CCDC158: variants seen among roughly 807,000 people sequenced by gnomAD.
The protein encoded by CCDC158 is coiled-coil domain-containing protein 158.
A neutral mutation model predicts 138.6 loss-of-function variants in CCDC158; 116 were observed. That is an observed-to-expected ratio of 0.84 (90% CI 0.72 to 0.98). CCDC158 has a LOEUF of 0.98. CCDC158 is among the 50% of genes least tolerant of loss of function. CCDC158 has a pLI of 0.00. For synonymous variants in CCDC158, 436 were observed against 442.4 expected (o/e 0.99, Z 0.18); for missense variants, 1,265 against 1,306.1 (o/e 0.97, Z 0.48).
At chr4:76,420,198 A>AC (rs1239302257) in intron 1 of CCDC158, among the ~76,000 whole-genome samples, 1 of 151,860 alleles carries the variant, frequency 6.6e-6, no homozygotes, top group Non-Finnish European at 1.5e-5. Flanking sequence ...GCACAGAGAA[A>AC]CAGTCCTACC....
intron 7 of CCDC158, among the ~76,000 whole-genome samples, 198 bp downstream of exon 7, chr4:76,383,464 G>A (rs919102022): frequency 6.6e-6 from 1 of 152,050 alleles, no homozygotes; most frequent in African/African-American, 2.4e-5. Flanking sequence ...TACTCCTATT[G>A]TAATCATCTC....
chr4:76,406,352 AGAAC>A (rs1267508501), intron 2 of CCDC158, among the ~76,000 whole-genome samples: 2 of 152,250 alleles, frequency 1.3e-5, no homozygotes, highest in African/African-American at 2.4e-5. Context: ...AGATACGGTA[AGAAC>A]TGCAAACGCA....
At position 76,344,438 on chromosome 4, in the gene CCDC158, G is replaced by A. The variant is rs1722350446; in HGVS notation, c.2664+6558C>T. 2.5e-5 allele frequency: 16 copies of A among 630,024 alleles called. No homozygotes were observed. The South Asian group carries it at 2.9e-4, about 12-fold the overall frequency. 39.0% of individuals were successfully genotyped at this position (630,024 alleles called of 1,614,324 possible). A position where few individuals can be genotyped will look rare whatever the true frequency, so the allele number is the denominator to read the frequency against. On this transcript the variant is annotated intron_variant, in intron 18 of 24. Coordinates refer to ENST00000682701, the MANE Select transcript of CCDC158 (RefSeq NM_001394954.1). Reference sequence around the variant, plus strand: ...TCTTGTGCCACAGTGAGTTGTAAGTGAAGTTTGGACCAAAAATGAGTTTAT... The same window carrying A: ...TCTTGTGCCACAGTGAGTTGTAAGTAAAGTTTGGACCAAAAATGAGTTTAT...
intron 24 of CCDC158, among the ~76,000 whole-genome samples, chr4:76,318,584 A>T (rs1719634708): frequency 6.6e-6 from 1 of 152,160 alleles, no homozygotes; most frequent in Non-Finnish European, 1.5e-5. Flanking sequence ...ATCAGGCATT[A>T]AAAAAGGATT....
intron 12 of CCDC158, among the ~76,000 whole-genome samples, chr4:76,365,552 C>T (rs150296707): frequency 1.8e-4 from 28 of 152,284 alleles, no homozygotes; most frequent in Admixed American, 4.6e-4. Context: ...TCTCCCACAC[C>T]ATCTCTAGGC....
chr4:76,335,710 G>A (rs1353900194), intron 18 of CCDC158, among the ~76,000 whole-genome samples: 2 of 152,086 alleles, frequency 1.3e-5, no homozygotes, highest in Admixed American at 1.3e-4. Flanking sequence ...ACCCCCAGTA[G>A]CTGAGGACTA....
At chr4:76,380,428 C>T (rs988823132) in intron 8 of CCDC158, among the ~76,000 whole-genome samples, 1 of 152,136 alleles carries the variant, frequency 6.6e-6, no homozygotes, top group Admixed American at 6.5e-5. Context: ...TAGCATTTTG[C>T]CCCTGCCCTA....
At chr4:76,348,302 G>A (rs1197291281) in intron 18 of CCDC158, among the ~76,000 whole-genome samples, 2 of 151,480 alleles carry the variant, frequency 1.3e-5, no homozygotes, top group African/African-American at 4.8e-5. Context: ...AGGCGAGGTG[G>A]TGGGCACCTG....
chr4:76,331,386 C>T lies in CCDC158; in HGVS notation c.2900G>A (p.Arg967Lys). 6.2e-7 allele frequency: 1 copy of T among 1,613,960 alleles called. No homozygotes were observed. ...TGATTTGCTTCCTTCAGTGGAGTCCCTCAACGAGTTGTTGCTTCTGTTGGT... is the reference window on the plus strand; with the variant it reads ...TGATTTGCTTCCTTCAGTGGAGTCCTTCAACGAGTTGTTGCTTCTGTTGGT... ...DMCHRSNNSL[R>K]DSTEGSKSSE... is the part of the protein sequence containing the mutation. Residue 967 changes from arginine to lysine, a missense_variant, in exon 21 of 25, where the codon AGG becomes AAG. Physicochemically the swap from Arg to Lys is conservative, Grantham distance 26. Transcript: ENST00000682701.
chr4:76,354,169 C>A (rs1216687929), intron 15 of CCDC158, among the ~76,000 whole-genome samples: 1 of 132,662 alleles, frequency 7.5e-6, no homozygotes, highest in Non-Finnish European at 1.5e-5. Context: ...TGACAGCAGG[C>A]AGTAACCTCT....
rs185050993 is a variant in CCDC158 at position 76,340,915 on chromosome 4, T to C, written c.2665-6748A>G. On this transcript the variant is annotated intron_variant, in intron 18 of 24. Transcript: ENST00000682701. ...CCAAAAAGGTTGGGAACTGCTGCCT[T>C]AGGAGACACATTAAGGCTATTTCTA... is the stretch of plus-strand genomic sequence containing the variant. Among the ~76,000 whole-genome samples, 62 of 152,280 alleles carry C rather than the reference T, an allele frequency of 4.1e-4. No individual in the cohort carries two copies. In the East Asian group the frequency reaches 7.5e-3, roughly 18 times the overall value.
chr4:76,386,236 A>G (rs1398681078), intron 4 of CCDC158, among the ~76,000 whole-genome samples: 5 of 152,212 alleles, frequency 3.3e-5, no homozygotes, highest in Non-Finnish European at 5.9e-5. Flanking sequence ...TTTAAAAACT[A>G]TCTGCACACA....
intron 4 of CCDC158, among the ~76,000 whole-genome samples, chr4:76,393,871 T>C (rs1727532172): frequency 6.6e-6 from 1 of 152,224 alleles, no homozygotes; most frequent in South Asian, 2.1e-4. Flanking sequence ...TATAGGCATA[T>C]GAGAAAGTGC....
intron 9 of CCDC158, among the ~76,000 whole-genome samples, chr4:76,378,516 G>A (rs530556811): frequency 1.3e-5 from 2 of 152,310 alleles, no homozygotes; most frequent in Admixed American, 6.5e-5. Context: ...CTATGGAGAT[G>A]AGAGGTAGCA....
intron 22 of CCDC158, among the ~76,000 whole-genome samples, chr4:76,328,176 T>C (rs1324237488): frequency 6.6e-6 from 1 of 152,234 alleles, no homozygotes; most frequent in Non-Finnish European, 1.5e-5. Context: ...GAGATCATCT[T>C]ATCTATAATT....
chr4:76,328,608 T>G (rs550932474), intron 22 of CCDC158, among the ~76,000 whole-genome samples: 1 of 152,126 alleles, frequency 6.6e-6, no homozygotes, highest in East Asian at 1.9e-4. Flanking sequence ...AATGAGGTGA[T>G]GACAATTAAG....
intron 9 of CCDC158, among the ~76,000 whole-genome samples, chr4:76,379,045 ATTT>A (rs1319685336): frequency 6.6e-6 from 1 of 152,048 alleles, no homozygotes; most frequent in Non-Finnish European, 1.5e-5. Context: ...TTTTTAATGC[ATTT>A]TTTAGAAACT....
At chr4:76,323,449 T>C in intron 23 of CCDC158, 40 bp from the exon 24 acceptor site, 1 of 1,414,502 alleles carries the variant, frequency 7.1e-7, no homozygotes, top group Admixed American at 2.2e-5. Context: ...AAAAGTCTAC[T>C]CAACATTTCC....
chr4:76,335,258 TTTG>T (rs1721374193), intron 18 of CCDC158, among the ~76,000 whole-genome samples: 1 of 152,196 alleles, frequency 6.6e-6, no homozygotes, highest in South Asian at 2.1e-4. Flanking sequence ...AAACACTGGT[TTTG>T]TTCTTGCCCT....
Sources: gnomAD v4.1 joint callset for allele counts (sites outside exome capture counted in the v4.1 genomes callset) on GRCh38, gnomAD v4.1.1 for gene constraint, MANE v1.5 for transcripts, NCBI Gene and HGNC (gene_info 2026-07-23, HGNC 2026-07-21) for gene names.